The following RNF150 variants were observed in gnomAD, a reference collection of about 807,000 sequenced individuals.
The protein encoded by RNF150 is ring finger protein 150.
RNF150 carries 24 observed loss-of-function variants against 39.3 expected under a neutral mutation model. That is an observed-to-expected ratio of 0.61 (90% CI 0.44 to 0.86). The LOEUF (loss-of-function observed/expected upper bound fraction) is 0.86. Among genes scored for constraint, RNF150 ranks in the 40% least tolerant of loss-of-function variants. The pLI, the probability that RNF150 is intolerant of heterozygous loss-of-function variation, is 0.00. For synonymous variants in RNF150, 255 were observed against 227.3 expected (o/e 1.12, Z -1.10); for missense variants, 502 against 587.8 (o/e 0.85, Z 1.51).
At chr4:140,998,398 G>A (rs1364000441) in intron 1 of RNF150, among the ~76,000 whole-genome samples, 1 of 152,186 alleles carries the variant, frequency 6.6e-6, no homozygotes, top group Admixed American at 6.5e-5. Flanking sequence ...GGCCACATGA[G>A]GCCACAGTGG....
rs1307458485 is a variant in RNF150, at chr4:140,868,022, G to C, written c.*239C>G. The C allele has an allele frequency of 4.3e-6, 2 of 468,428 alleles. No homozygotes were observed. Among genetic ancestry groups the C allele is most frequent in the Admixed American group, 7.6e-5 (2 of 26,428 alleles). The allele number at this position is 468,428 out of a possible 1,614,324, so 29.0% of individuals were successfully genotyped here. On this transcript the variant is annotated 3_prime_UTR_variant, in exon 7 of 7. Transcript: ENST00000515673. The stretch of plus-strand genomic sequence containing the variant: ...GAAGTGTATGTCTACATGGACATAG[G>C]AGTGGAAATCAGCTTTCAACTTCCC...
At chr4:140,957,685 T>C (rs1201462492) in intron 2 of RNF150, among the ~76,000 whole-genome samples, 1 of 151,534 alleles carries the variant, frequency 6.6e-6, no homozygotes, top group Non-Finnish European at 1.5e-5. Context: ...ATTAAGAAAA[T>C]GTGGCACATA....
At chr4:140,932,694 A>G (rs549329961) in intron 4 of RNF150, among the ~76,000 whole-genome samples, 73 of 152,338 alleles carry the variant, frequency 4.8e-4, no homozygotes, top group Non-Finnish European at 9.0e-4. Flanking sequence ...GAGGCACCCA[A>G]TACTGTCACC....
intron 6 of RNF150, among the ~76,000 whole-genome samples, chr4:140,884,673 C>T (rs1729497044): frequency 6.6e-6 from 1 of 152,124 alleles, no homozygotes. Flanking sequence ...CAACCAAGTC[C>T]TCTTCATCAC....
chr4:141,003,302 G>A (rs781767807), intron 1 of RNF150, among the ~76,000 whole-genome samples: 10 of 152,070 alleles, frequency 6.6e-5, no homozygotes, highest in African/African-American at 1.9e-4. Context: ...ACATGTACTC[G>A]TAGGATACAC....
chr4:140,948,676 G>A (rs1001475329), intron 3 of RNF150, among the ~76,000 whole-genome samples: 3 of 152,162 alleles, frequency 2.0e-5, no homozygotes, highest in South Asian at 4.2e-4. Flanking sequence ...CTGGCCTCAA[G>A]TGATCTACCT....
At chr4:141,011,430 G>C (rs746528027) in intron 1 of RNF150, among the ~76,000 whole-genome samples, 8 of 152,076 alleles carry the variant, frequency 5.3e-5, no homozygotes, top group Non-Finnish European at 1.0e-4. Context: ...CTTTACCTTA[G>C]AAACACAGCT....
At chr4:141,059,067 G>A (rs1191911714) in intron 1 of RNF150, among the ~76,000 whole-genome samples, 1 of 152,134 alleles carries the variant, frequency 6.6e-6, no homozygotes, top group Non-Finnish European at 1.5e-5. Context: ...AGAGCAACAG[G>A]AGACAATATT....
chr4:140,958,342 C>G, intron 2 of RNF150, among the ~76,000 whole-genome samples: 1 of 152,006 alleles, frequency 6.6e-6, no homozygotes, highest in East Asian at 1.9e-4. Context: ...AAAGGGCCAG[C>G]GCTCAGTGTT....
intron 1 of RNF150, among the ~76,000 whole-genome samples, chr4:141,116,189 A>C (rs749047392): frequency 6.6e-6 from 1 of 152,258 alleles, no homozygotes; most frequent in Non-Finnish European, 1.5e-5. Context: ...AGAAACTATC[A>C]TCAGAGTGAA....
At chr4:140,995,396 T>C (rs1315862600) in intron 1 of RNF150, among the ~76,000 whole-genome samples, 1 of 152,222 alleles carries the variant, frequency 6.6e-6, no homozygotes, top group African/African-American at 2.4e-5. Context: ...CAGTCATATT[T>C]ATAACCACTT....
chr4:141,158,745 C>T (rs903822749), intron 1 of RNF150, among the ~76,000 whole-genome samples: 2 of 152,116 alleles, frequency 1.3e-5, no homozygotes, highest in Non-Finnish European at 2.9e-5. Flanking sequence ...ACCCCGCCCC[C>T]ACCACCCCAA....
At chr4:141,167,750 C>A (rs760439575) in intron 1 of RNF150, among the ~76,000 whole-genome samples, 2 of 152,120 alleles carry the variant, frequency 1.3e-5, no homozygotes, top group Non-Finnish European at 2.9e-5. Flanking sequence ...ATGCAGAAAA[C>A]TAAAACTGAA....
intron 1 of RNF150, among the ~76,000 whole-genome samples, chr4:141,089,380 G>A (rs1738490527): frequency 6.6e-6 from 1 of 152,184 alleles, no homozygotes; most frequent in Admixed American, 6.5e-5. Flanking sequence ...TAGAGGGGCA[G>A]AGGAGAGGGG....
intron 2 of RNF150, among the ~76,000 whole-genome samples, chr4:140,962,056 C>CTCT (rs1553995762): frequency 8.5e-6 from 1 of 118,294 alleles, no homozygotes; most frequent in African/African-American, 2.7e-5. Context: ...TAACATCTCT[C>CTCT]TCTCTCTCTT....
intron 1 of RNF150, among the ~76,000 whole-genome samples, chr4:141,200,338 G>T (rs1728270693): frequency 6.6e-6 from 1 of 151,872 alleles, no homozygotes. Context: ...TGACCTAATT[G>T]CTTCCCAAAG....
At chr4:141,098,648 T>C (rs981718453) in intron 1 of RNF150, among the ~76,000 whole-genome samples, 1 of 152,194 alleles carries the variant, frequency 6.6e-6, no homozygotes, top group African/African-American at 2.4e-5. Flanking sequence ...ATTATACATA[T>C]CTAATCTCAA....
chr4:141,180,837 T>G (rs1187705768), intron 1 of RNF150, among the ~76,000 whole-genome samples: 1 of 152,226 alleles, frequency 6.6e-6, no homozygotes, highest in Non-Finnish European at 1.5e-5. Context: ...CCATGGACCT[T>G]TCTCAGGTAC....
chr4:141,177,573 G>A (rs898621569), intron 1 of RNF150, among the ~76,000 whole-genome samples: 1 of 152,006 alleles, frequency 6.6e-6, no homozygotes, highest in African/African-American at 2.4e-5. Context: ...ATCCTGGAAT[G>A]TCAAACTTTC....
Sources: allele counts gnomAD v4.1 joint callset (sites outside exome capture counted in the v4.1 genomes callset), GRCh38; gene constraint gnomAD v4.1.1; transcripts MANE v1.5; gene names NCBI Gene and HGNC (gene_info 2026-07-23, HGNC 2026-07-21).